The following MZT2A variants were observed in gnomAD, a reference collection of about 807,000 sequenced individuals.
MZT2A encodes the protein mitotic-spindle organizing protein 2A.
In MZT2A, 8 loss-of-function variants were observed where a neutral mutation model predicts 12.4. The observed-to-expected ratio is 0.64, with a 90% CI of 0.38 to 1.16. MZT2A has a LOEUF of 1.16. MZT2A is among the 50% of genes most tolerant of loss of function. The probability of loss-of-function intolerance (pLI) is 0.01; values close to 1 mark genes in which losing one functional copy is unlikely to be tolerated. For synonymous variants in MZT2A, 88 were observed against 107.5 expected, an observed-to-expected ratio of 0.82 and a Z score of 1.12; for missense variants, 181 against 223.6, an observed-to-expected ratio of 0.81 and a Z score of 1.22.
At chr2:131,491,811 G>A (rs933266315) in intron 2 of MZT2A, 65 bp downstream of exon 2, 11 of 1,385,994 alleles carry the variant, frequency 7.9e-6, no homozygotes, top group African/African-American at 1.6e-5. Context: ...CCGCTGTGCC[G>A]CGCCTGCCCC....
In MZT2A at chr2:131,488,994, T is replaced by C. The variant is rs144454449; in HGVS notation, c.319+2882A>G. Among the ~76,000 whole-genome samples the C allele has an allele frequency of 5.7e-3, 822 of 145,202 alleles. 4 individuals carry two copies. Among genetic ancestry groups the C allele is most frequent in the African/African-American group, 0.02 (781 of 38,528 alleles). On this transcript the variant is annotated intron_variant, in intron 2 of 2. Transcript: ENST00000309451. Reference sequence around the variant, plus strand: ...CCACAACCCCCACATACATCTTGACTGTGCCCCCCCACCTGCCTCCTCCTG... The same window carrying C: ...CCACAACCCCCACATACATCTTGACCGTGCCCCCCCACCTGCCTCCTCCTG...
At chr2:131,491,153 G>A (rs1393335968) in intron 2 of MZT2A, 2 of 569,690 alleles carry the variant, frequency 3.5e-6, no homozygotes, top group African/African-American at 3.8e-5. Context: ...GCCATCGGGA[G>A]CAGAAGCAAC....
At chr2:131,481,758 G>T (rs1464486682), downstream of MZT2A, among the ~76,000 whole-genome samples, 1 of 152,134 alleles carries the variant, frequency 6.6e-6, no homozygotes, top group Non-Finnish European at 1.5e-5. Flanking sequence ...AGTAGAGATG[G>T]GGTTTCGCCA....
At chr2:131,477,402 T>C (rs1378999465) in intron 2 of MZT2A, among the ~76,000 whole-genome samples, 5 of 152,128 alleles carry the variant, frequency 3.3e-5, no homozygotes, top group African/African-American at 7.2e-5. Context: ...CTGGGAGCCA[T>C]TACAGGCTTC....
At chr2:131,492,789 G>C (rs1679399213), upstream of MZT2A, 2 of 1,344,918 alleles carry the variant, frequency 1.5e-6, no homozygotes, top group East Asian at 8.4e-5. Context: ...TTCGGGGGGG[G>C]TGGGGGGCAC....
chr2:131,478,164 C>T (rs377460015), intron 2 of MZT2A: 22 of 1,612,288 alleles, frequency 1.4e-5, no homozygotes, highest in African/African-American at 2.7e-5. Context: ...CTGTTCACAG[C>T]GCGAGTGTAT....
chr2:131,476,845 G>C (rs1279768153), intron 2 of MZT2A, among the ~76,000 whole-genome samples: 1 of 150,424 alleles, frequency 6.6e-6, no homozygotes, highest in Non-Finnish European at 1.5e-5. Context: ...TGAGGTGGGA[G>C]GATCAGCCGA....
intron 2 of MZT2A, among the ~76,000 whole-genome samples, chr2:131,488,963 C>T (rs1419599237): frequency 6.7e-6 from 1 of 150,014 alleles, no homozygotes; most frequent in Non-Finnish European, 1.5e-5. Context: ...GCCTGCATTT[C>T]CAGTGCCACA....
intron 2 of MZT2A, chr2:131,491,366 G>C (rs1183631127): frequency 8.8e-5 from 24 of 271,894 alleles, no homozygotes; most frequent in Non-Finnish European, 1.1e-4. Context: ...GCAGGAAGAC[G>C]TCTGCCTGCC....
At chr2:131,492,702 T>TG, upstream of MZT2A, 1 of 1,226,618 alleles carries the variant, frequency 8.2e-7, no homozygotes, top group Non-Finnish European at 1.0e-6. Context: ...AGGCATACAT[T>TG]GGGCGCTCAG....
chr2:131,482,587 C>G (rs775903908), downstream of MZT2A: 2 of 1,612,984 alleles, frequency 1.2e-6, no homozygotes, highest in Non-Finnish European at 1.7e-6. Context: ...CAGTGGTCCC[C>G]GGGGGAGACC....
chr2:131,484,994 T>C (rs1678998848), intron 2 of MZT2A, among the ~76,000 whole-genome samples: 2 of 152,212 alleles, frequency 1.3e-5, no homozygotes, highest in African/African-American at 4.8e-5. Context: ...TTTAATGGGA[T>C]GCATTTCCCT....
At position 131,492,299 on chromosome 2, in the gene MZT2A, C is replaced by A; in HGVS notation, c.78G>T (p.Ala26=). 6.5e-7 allele frequency: 1 copy of A among 1,549,452 alleles called. No homozygotes were observed. Among genetic ancestry groups the A allele is most frequent in the East Asian group, 2.4e-5 (1 of 40,934 alleles). Residue 26 remains alanine (A), a synonymous_variant, in exon 1 of 3, where the codon GCG becomes GCT. Coordinates refer to ENST00000309451, the MANE Select transcript of MZT2A (RefSeq NM_001085365.2). The stretch of plus-strand genomic sequence containing the variant: ...TGCTCAGCACCTTCTTGCGCCGCAG[C>A]GCCAGCTTCTGCCGGGCCGCCTCCA... ...PGLEAARQKL[A]LRRKKVLSTE...
upstream of MZT2A, chr2:131,492,796 G>GGGGGGGGGGGGGGGC: frequency 1.2e-6 from 1 of 853,248 alleles, no homozygotes; most frequent in Non-Finnish European, 1.7e-6. Flanking sequence ...GGGGTGGGGG[G>GGGGGGGGGGGGGGGC]CACTAATCAA....
At chr2:131,490,941 T>TGA in intron 2 of MZT2A, 1 of 1,549,378 alleles carries the variant, frequency 6.5e-7, no homozygotes, top group Non-Finnish European at 8.7e-7. Context: ...CGAGGGTCAG[T>TGA]GAAGAGGCCA....
intron 2 of MZT2A, among the ~76,000 whole-genome samples, chr2:131,472,507 G>A (rs913663303): frequency 6.6e-6 from 1 of 152,142 alleles, no homozygotes; most frequent in African/African-American, 2.4e-5. Flanking sequence ...TTTATAATCA[G>A]AAAAATAAAT....
At chr2:131,480,844 T>C, downstream of MZT2A, 1 of 1,514,420 alleles carries the variant, frequency 6.6e-7, no homozygotes, top group Non-Finnish European at 8.9e-7. Context: ...AGATTATCCC[T>C]GTTCCATGGG....
At chr2:131,492,932 C>T, upstream of MZT2A, 1 of 1,524,330 alleles carries the variant, frequency 6.6e-7, no homozygotes. Flanking sequence ...CCCCGCACTC[C>T]TGCCTCGCCA....
chr2:131,487,436 C>T (rs1433836324), intron 2 of MZT2A, among the ~76,000 whole-genome samples: 2 of 152,030 alleles, frequency 1.3e-5, no homozygotes, highest in Non-Finnish European at 2.9e-5. Context: ...TATGAGTGTG[C>T]CACTGCACTC....
Sources: gnomAD v4.1 joint callset for allele counts (sites outside exome capture counted in the v4.1 genomes callset) on GRCh38, gnomAD v4.1.1 for gene constraint, MANE v1.5 for transcripts, NCBI Gene and HGNC (gene_info 2026-07-23, HGNC 2026-07-21) for gene names.